STK17B: variants seen among roughly 807,000 people sequenced by gnomAD.
STK17B encodes serine/threonine-protein kinase 17B.
STK17B carries 21 observed loss-of-function variants against 42.0 expected under a neutral mutation model. The observed-to-expected ratio is 0.50, with a 90% CI of 0.35 to 0.72. The LOEUF (loss-of-function observed/expected upper bound fraction) is 0.72. STK17B is among the 30% of genes least tolerant of loss of function. The pLI, the probability that STK17B is intolerant of heterozygous loss-of-function variation, is 0.00. For missense variants in STK17B, 349 were observed against 446.0 expected (o/e 0.78, Z 1.96); for synonymous variants, 143 against 148.4 (o/e 0.96, Z 0.26).
intron 1 of STK17B, among the ~76,000 whole-genome samples, chr2:196,164,414 T>C (rs982730544): frequency 1.3e-5 from 2 of 152,192 alleles, no homozygotes; most frequent in African/African-American, 2.4e-5. Flanking sequence ...CATATATGTA[T>C]CTGGAAATTT....
rs191552867 is a variant in STK17B at position 196,148,837 on chromosome 2, G to A, written c.336-2782C>T. ...TAAAAACAAAATACAAGAAAGTAAA[G>A]TGAAAGTATGGAAAGCAATTCCCAG... On this transcript the variant is annotated intron_variant, in intron 3 of 7. Transcript: ENST00000263955. 8.5e-5 allele frequency among the ~76,000 whole-genome samples: 13 copies of A among 152,280 alleles called. No individual in the cohort carries two copies. In the East Asian group the frequency reaches 2.1e-3, roughly 25 times the overall value.
intron 6 of STK17B, among the ~76,000 whole-genome samples, 153 bp downstream of exon 6, chr2:196,141,096 A>G (rs1259983537): frequency 6.6e-6 from 1 of 152,222 alleles, no homozygotes; most frequent in African/African-American, 2.4e-5. Flanking sequence ...AAATAATGGA[A>G]AGGTAAATAT....
intron 3 of STK17B, chr2:196,153,862 A>C (rs1328926653): frequency 6.6e-6 from 1 of 152,252 alleles, no homozygotes; most frequent in Non-Finnish European, 1.5e-5. Flanking sequence ...CATTAATGCC[A>C]TGTGTTAGAT....
At position 196,137,641 on chromosome 2, in the gene STK17B, T is replaced by C; in HGVS notation, c.925A>G (p.Ser309Gly). Residue 309 changes from serine to glycine, a missense_variant, in exon 8 of 8, where the codon AGT becomes GGT. Transcript: ENST00000263955. Reference sequence around the variant, plus strand: ...GAATGATCCTGAGTTTGAGAGGAACTGGAAGTTTCTTCAGGGTGAAACAAG... The same window carrying C: ...GAATGATCCTGAGTTTGAGAGGAACCGGAAGTTTCTTCAGGGTGAAACAAG... ...ENLFHPEETS[S>G]SSQTQDHSVR... 6.2e-7 allele frequency: 1 copy of C among 1,614,136 alleles called. No individual in the cohort carries two copies. Among genetic ancestry groups the C allele is most frequent in the South Asian group, 1.1e-5 (1 of 91,086 alleles).
chr2:196,137,329 T>G lies in STK17B; in HGVS notation c.*118A>C, dbSNP rs368355342. ...AACATTAAAACACTTCCCTAAATTA[T>G]TCCATGGAAAAGTGCATTTACAATA... On this transcript the variant is annotated 3_prime_UTR_variant, in exon 8 of 8. Coordinates refer to ENST00000263955, the MANE Select transcript of STK17B (RefSeq NM_004226.4). 1.8e-6 allele frequency: 2 copies of G among 1,116,540 alleles called. No individual in the cohort carries two copies. The highest frequency in any genetic ancestry group is 2.5e-6 in the Non-Finnish European group (2 of 805,230). The allele number at this position is 1,116,540 out of a possible 1,614,324, so 69.2% of individuals were successfully genotyped here.
Position 196,134,680 on chromosome 2 carries a change from T to C in STK17B, c.*2767A>G, listed in dbSNP as rs1182306763. 1 of 152,112 alleles carries C rather than the reference T, an allele frequency of 6.6e-6. No individual in the cohort carries two copies. The highest frequency in any genetic ancestry group is 2.4e-5 in the African/African-American group (1 of 41,404). The allele number at this position is 152,112 out of a possible 1,614,324, so 9.4% of individuals were successfully genotyped here. ...AAAATAATTAAAATGACAATTGCAA[T>C]TGTCATCTATATATCATCTATTTAA... On this transcript the variant is annotated 3_prime_UTR_variant, in exon 8 of 8. Transcript: ENST00000263955.
At chr2:196,148,404 T>C (rs971254582) in intron 3 of STK17B, among the ~76,000 whole-genome samples, 6 of 152,242 alleles carry the variant, frequency 3.9e-5, no homozygotes, top group East Asian at 1.9e-4. Context: ...TCTAAATATA[T>C]TCCTGCAAAG....
chr2:196,166,475 G>C lies in STK17B; in HGVS notation c.-44-3048C>G, dbSNP rs201400935. Reference sequence around the variant, plus strand: ...AAATTCATTTCATAACATTTTATCAGGTTATAGCATTTAAAAAAAATCTTA... The same window carrying C: ...AAATTCATTTCATAACATTTTATCACGTTATAGCATTTAAAAAAAATCTTA... On this transcript the variant is annotated intron_variant, in intron 1 of 7. Transcript: ENST00000263955. 9.2e-5 allele frequency among the ~76,000 whole-genome samples: 14 copies of C among 151,896 alleles called. No homozygotes were observed. In the East Asian group the frequency reaches 2.7e-3, roughly 29 times the overall value.
chr2:196,148,793 A>G (rs1034239589), intron 3 of STK17B, among the ~76,000 whole-genome samples: 1 of 152,206 alleles, frequency 6.6e-6, no homozygotes, highest in African/African-American at 2.4e-5. Flanking sequence ...TAACCAGAAC[A>G]CTCCACCAAT....
chr2:196,139,120 T>C (rs1699453501), intron 7 of STK17B, among the ~76,000 whole-genome samples: 1 of 152,018 alleles, frequency 6.6e-6, no homozygotes, highest in Non-Finnish European at 1.5e-5. Context: ...CCTGCCACCA[T>C]GCCTGGCTAA....
intron 3 of STK17B, among the ~76,000 whole-genome samples, chr2:196,147,615 G>A (rs548138698): frequency 4.1e-4 from 62 of 152,164 alleles, no homozygotes; most frequent in African/African-American, 1.4e-3. Flanking sequence ...TTCTGACTTT[G>A]CAGAAAAAAA....
chr2:196,147,654 C>T (rs772015641), intron 3 of STK17B, among the ~76,000 whole-genome samples: 6 of 152,096 alleles, frequency 3.9e-5, no homozygotes, highest in Non-Finnish European at 8.8e-5. Flanking sequence ...AAGGAATACA[C>T]GTGAAAGCTC....
intron 2 of STK17B, among the ~76,000 whole-genome samples, chr2:196,161,760 C>T (rs140820046): frequency 0.024 from 3,667 of 151,950 alleles, 80 homozygotes; most frequent in Non-Finnish European, 0.036. Flanking sequence ...TCGTGACCCA[C>T]CCTCCTCGGC....
intron 3 of STK17B, chr2:196,156,204 C>T (rs934462324): frequency 8.6e-6 from 3 of 349,560 alleles, no homozygotes; most frequent in Non-Finnish European, 1.0e-5. Flanking sequence ...CATTTCTCCA[C>T]ATTCCTCAAA....
upstream of STK17B, among the ~76,000 whole-genome samples, chr2:196,175,774 G>A (rs1360166285): frequency 3.3e-5 from 5 of 152,224 alleles, no homozygotes; most frequent in African/African-American, 1.2e-4. Context: ...GTTAGGCAGT[G>A]TAGGTCTGAA....
intron 1 of STK17B, chr2:196,166,146 T>G (rs965729020): frequency 2.0e-5 from 3 of 152,236 alleles, no homozygotes; most frequent in Non-Finnish European, 4.4e-5. Context: ...CATTTTCCTT[T>G]TATTTACTGC....
At chr2:196,160,271 A>G (rs1699793956) in intron 2 of STK17B, among the ~76,000 whole-genome samples, 1 of 152,166 alleles carries the variant, frequency 6.6e-6, no homozygotes, top group South Asian at 2.1e-4. Flanking sequence ...GTAAGCCACA[A>G]AGGAAGCTGA....
intron 2 of STK17B, among the ~76,000 whole-genome samples, chr2:196,162,837 C>G (rs899298792): frequency 3.8e-4 from 58 of 152,026 alleles, no homozygotes; most frequent in African/African-American, 1.4e-3. Flanking sequence ...TTGCAGTGAG[C>G]CAAGATCATG....
intron 3 of STK17B, among the ~76,000 whole-genome samples, chr2:196,155,548 C>CTA (rs1699726775): frequency 6.6e-6 from 1 of 152,056 alleles, no homozygotes; most frequent in Non-Finnish European, 1.5e-5. Context: ...AAAAGAATTA[C>CTA]TATAGTTAGC....
Sources: gnomAD v4.1 joint callset for allele counts (sites outside exome capture counted in the v4.1 genomes callset) on GRCh38, gnomAD v4.1.1 for gene constraint, MANE v1.5 for transcripts, NCBI Gene and HGNC (gene_info 2026-07-23, HGNC 2026-07-21) for gene names.